SVOPL: variants seen among roughly 807,000 people sequenced by gnomAD.
SVOPL encodes the protein putative transporter SVOPL.
A neutral mutation model predicts 61.0 loss-of-function variants in SVOPL; 60 were observed. That is an observed-to-expected ratio of 0.98 (90% CI 0.80 to 1.22). SVOPL has a LOEUF of 1.22. Among genes scored for constraint, SVOPL ranks in the 50% most tolerant of loss-of-function variants. The probability of loss-of-function intolerance (pLI) is 0.00; values close to 1 mark genes in which losing one functional copy is unlikely to be tolerated. For missense variants in SVOPL, 662 were observed against 643.9 expected, an observed-to-expected ratio of 1.03 and a Z score of -0.30; for synonymous variants, 279 against 250.0, an observed-to-expected ratio of 1.12 and a Z score of -1.09.
intron 14 of SVOPL, among the ~76,000 whole-genome samples, chr7:138,619,366 A>G (rs1344879415): frequency 6.6e-6 from 1 of 151,814 alleles, no homozygotes; most frequent in Non-Finnish European, 1.5e-5. Flanking sequence ...CCATGACTGT[A>G]CCCCAGCCTG....
chr7:138,634,113 TCTCC>T (rs1482908457), intron 9 of SVOPL, among the ~76,000 whole-genome samples: 15 of 152,210 alleles, frequency 9.9e-5, no homozygotes, highest in African/African-American at 3.6e-4. Flanking sequence ...TACCTCCTGG[TCTCC>T]CTGTTATGCA....
rs764312082 is a variant in SVOPL at position 138,630,043 on chromosome 7, T to G, written c.863+6A>C. On this transcript the variant is annotated splice_donor_region_variant and intron_variant, in intron 10 of 15. Coordinates refer to ENST00000674285, the MANE Select transcript of SVOPL (RefSeq NM_001139456.2). The stretch of plus-strand genomic sequence containing the variant: ...AAAACTAGCTTTGAAATCATTACAC[T>G]CTTACCATATGACCCAGATCTGTAA... The G allele has an allele frequency of 6.2e-7, 1 of 1,611,572 alleles. No individual in the cohort carries two copies. Among genetic ancestry groups the G allele is most frequent in the Admixed American group, 1.7e-5 (1 of 59,998 alleles).
At chr7:138,661,716 G>A (rs1802009025) in intron 5 of SVOPL, 1 of 852,634 alleles carries the variant, frequency 1.2e-6, no homozygotes, top group Non-Finnish European at 1.4e-6. Context: ...AATAACTTAG[G>A]AAGTGCCCCC....
chr7:138,687,314 C>G (rs147266966), intron 1 of SVOPL, among the ~76,000 whole-genome samples: 1,435 of 138,636 alleles, frequency 0.01, 27 homozygotes, highest in African/African-American at 0.038. Flanking sequence ...CGGCTCACCA[C>G]AACCTCCGCC....
intron 4 of SVOPL, among the ~76,000 whole-genome samples, chr7:138,670,090 A>G (rs1367629211): frequency 6.6e-6 from 1 of 152,168 alleles, no homozygotes; most frequent in African/African-American, 2.4e-5. Flanking sequence ...CAAAAATTAT[A>G]ATAGAAAAAA....
At position 138,689,050 on chromosome 7, in the gene SVOPL, T is replaced by C. The variant is rs1802881214; in HGVS notation, c.-34-9971A>G. The C allele has an allele frequency of 1.1e-5, 8 of 718,498 alleles. 1 individual carries two copies. The highest frequency in any genetic ancestry group is 1.1e-4 in the South Asian group (8 of 74,038). 44.5% of individuals were successfully genotyped at this position (718,498 alleles called of 1,614,324 possible). Reference sequence around the variant, plus strand: ...AAATCAAGACGTTCAAATCTTTGTGTTCACTTTAAGAACACTCATGACACT... The same window carrying C: ...AAATCAAGACGTTCAAATCTTTGTGCTCACTTTAAGAACACTCATGACACT... On this transcript the variant is annotated intron_variant, in intron 1 of 15. Coordinates refer to ENST00000674285, the MANE Select transcript of SVOPL (RefSeq NM_001139456.2).
At chr7:138,663,272 G>T (rs1802082527) in intron 4 of SVOPL, 127 bp from the exon 5 acceptor site, 1 of 1,501,266 alleles carries the variant, frequency 6.7e-7, no homozygotes, top group African/African-American at 1.4e-5. Context: ...AAAGAACAGG[G>T]TTTCACGTTG....
At chr7:138,643,169 G>A (rs568946953) in intron 9 of SVOPL, among the ~76,000 whole-genome samples, 273 of 152,076 alleles carry the variant, frequency 1.8e-3, no homozygotes, top group Non-Finnish European at 2.5e-3. Context: ...GCTCACGCCT[G>A]TAATCCCAGC....
Position 138,621,069 on chromosome 7 carries a change from T to C in SVOPL, c.1330A>G (p.Met444Val), listed in dbSNP as rs765694338. Residue 444 changes from methionine (M) to valine (V), a missense_variant, in exon 14 of 16, where the codon ATG becomes GTG. Coordinates refer to ENST00000674285, the MANE Select transcript of SVOPL (RefSeq NM_001139456.2). ...ACCTGGGATATAAATGGTGCCACCA[T>C]TGCACCAATGCGACACAGGGAGCCG... ...TSGSLCRIGAMVAPFISQVLM... is the reference protein window; with the variant it reads ...TSGSLCRIGAVVAPFISQVLM... The C allele has an allele frequency of 1.9e-5, 31 of 1,613,472 alleles. No homozygotes were observed. The highest frequency in any genetic ancestry group is 3.3e-5 in the South Asian group (3 of 90,966).
intron 1 of SVOPL, chr7:138,689,495 G>T: frequency 1.5e-6 from 1 of 673,582 alleles, no homozygotes; most frequent in Non-Finnish European, 2.5e-6. Context: ...AGATATCCCA[G>T]AAGAAACAAA....
chr7:138,601,942 C>A (rs1798542873), intron 14 of SVOPL, among the ~76,000 whole-genome samples: 1 of 152,178 alleles, frequency 6.6e-6, no homozygotes, highest in African/African-American at 2.4e-5. Flanking sequence ...GACTGTTCAT[C>A]CCTTGTCCGT....
chr7:138,677,284 C>G (rs1377642348), intron 3 of SVOPL, among the ~76,000 whole-genome samples: 2 of 152,072 alleles, frequency 1.3e-5, no homozygotes, highest in Non-Finnish European at 2.9e-5. Context: ...ACTGCTGCGT[C>G]CAATGATGTT....
At chr7:138,612,889 C>T (rs574629947) in intron 14 of SVOPL, among the ~76,000 whole-genome samples, 11 of 152,100 alleles carry the variant, frequency 7.2e-5, no homozygotes, top group African/African-American at 1.9e-4. Context: ...AAAGGGTTTT[C>T]CAGAATTCTG....
chr7:138,627,171 T>G (rs1449919294), intron 12 of SVOPL, among the ~76,000 whole-genome samples, 179 bp downstream of exon 12: 1 of 152,046 alleles, frequency 6.6e-6, no homozygotes, highest in Non-Finnish European at 1.5e-5. Context: ...ATGGGGTCTG[T>G]AGGAAGAGGG....
At chr7:138,651,064 A>G (rs930395702) in intron 7 of SVOPL, among the ~76,000 whole-genome samples, 4 of 151,600 alleles carry the variant, frequency 2.6e-5, no homozygotes, top group Non-Finnish European at 5.9e-5. Flanking sequence ...GAGAGCACCT[A>G]AAGGAGGCAA....
chr7:138,631,962 A>T (rs185125520), intron 9 of SVOPL, among the ~76,000 whole-genome samples: 2 of 138,956 alleles, frequency 1.4e-5, no homozygotes, highest in African/African-American at 5.9e-5. Context: ...CTCTGATATC[A>T]CACACACACA....
intron 1 of SVOPL, chr7:138,689,231 C>CA (rs1368818849): frequency 1.3e-6 from 2 of 1,500,418 alleles, no homozygotes; most frequent in Non-Finnish European, 1.8e-6. Flanking sequence ...GTTGGTGGCC[C>CA]AAAAAGAGTG....
At chr7:138,681,755 G>A (rs536644151) in intron 1 of SVOPL, among the ~76,000 whole-genome samples, 14 of 152,212 alleles carry the variant, frequency 9.2e-5, no homozygotes, top group South Asian at 2.1e-4. Context: ...CCCAGGAGGC[G>A]GAGGTTGCAG....
intron 7 of SVOPL, 61 bp from the exon 8 acceptor site, chr7:138,649,198 A>G: frequency 6.6e-6 from 10 of 1,520,548 alleles, no homozygotes; most frequent in Non-Finnish European, 8.8e-6. Flanking sequence ...GAAAAAAAAA[A>G]AGGAAAAATA....
Sources: gnomAD v4.1 joint callset for allele counts (sites outside exome capture counted in the v4.1 genomes callset) on GRCh38, gnomAD v4.1.1 for gene constraint, MANE v1.5 for transcripts, NCBI Gene and HGNC (gene_info 2026-07-23, HGNC 2026-07-21) for gene names.